CHRM3: variants seen among roughly 807,000 people sequenced by gnomAD.
The protein encoded by CHRM3 is cholinergic receptor muscarinic 3.
CHRM3 carries 11 observed loss-of-function variants against 41.8 expected under a neutral mutation model. The ratio of observed to expected loss-of-function variants is 0.26; its 90% CI spans 0.17 to 0.44. The LOEUF (loss-of-function observed/expected upper bound fraction) is 0.44. Ranked by LOEUF, CHRM3 falls within the 20% of genes least tolerant of loss-of-function variation. The probability of loss-of-function intolerance (pLI) is 1.00; values close to 1 mark genes in which losing one functional copy is unlikely to be tolerated. For synonymous variants in CHRM3, 297 were observed against 301.4 expected (o/e 0.99, Z 0.15); for missense variants, 571 against 745.4 (o/e 0.77, Z 2.72).
chr1:239,585,161 G>A (rs1663285812), intron 3 of CHRM3, among the ~76,000 whole-genome samples: 1 of 151,736 alleles, frequency 6.6e-6, no homozygotes, highest in Non-Finnish European at 1.5e-5. Flanking sequence ...ATATTCACGT[G>A]CAAATACAGT....
At chr1:239,388,131 G>C (rs1658695668) in intron 1 of CHRM3, among the ~76,000 whole-genome samples, 1 of 152,094 alleles carries the variant, frequency 6.6e-6, no homozygotes, top group African/African-American at 2.4e-5. Flanking sequence ...AGGGATTTGG[G>C]AACTGCATCC....
chr1:239,669,767 G>A (rs1674174860), intron 4 of CHRM3, among the ~76,000 whole-genome samples: 1 of 152,154 alleles, frequency 6.6e-6, no homozygotes, highest in South Asian at 2.1e-4. Context: ...GCAATCCACT[G>A]TATTAAAAAA....
rs1008846827 is a variant in CHRM3, at chr1:239,387,727, T to C, written c.-521+500T>C. ...GGTTTCCTGTCATTTCTAAGAAGGC[T>C]AAAGCTGGCACCCGCCAACCTCGCA... On this transcript the variant is annotated intron_variant, in intron 1 of 6. Coordinates refer to ENST00000676153, the MANE Select transcript of CHRM3 (RefSeq NM_001375978.1). This position sits in a 1 kb window ranked among gnomAD's most constrained non-coding sequence, Gnocchi z 5.1. Among the ~76,000 whole-genome samples, 28 of 152,124 alleles carry C rather than the reference T, an allele frequency of 1.8e-4. No homozygotes were observed. Among genetic ancestry groups the C allele is most frequent in the African/African-American group, 6.8e-4 (28 of 41,432 alleles).
chr1:239,646,905 T>A (rs1671786448), intron 4 of CHRM3, among the ~76,000 whole-genome samples: 1 of 152,016 alleles, frequency 6.6e-6, no homozygotes, highest in African/African-American at 2.4e-5. Context: ...CATAGATAGG[T>A]CGCTTTTCTG....
intron 5 of CHRM3, among the ~76,000 whole-genome samples, chr1:239,744,138 A>G (rs1452843874): frequency 6.6e-6 from 1 of 151,878 alleles, no homozygotes; most frequent in Non-Finnish European, 1.5e-5. Flanking sequence ...GGCAAAATTA[A>G]TAACTACTTC....
intron 6 of CHRM3, among the ~76,000 whole-genome samples, chr1:239,859,835 A>ATATATATATG (rs2149265433): frequency 7.4e-6 from 1 of 135,788 alleles, no homozygotes; most frequent in African/African-American, 2.6e-5. Context: ...ATATATATAT[A>ATATATATATG]TATATATATA....
chr1:239,500,861 C>A (rs185360472), intron 2 of CHRM3, among the ~76,000 whole-genome samples: 50 of 152,292 alleles, frequency 3.3e-4, no homozygotes, highest in African/African-American at 1.2e-3. Flanking sequence ...AACTCACCAA[C>A]CATCTGCTGC....
rs372427093 is a variant in CHRM3, at chr1:239,847,279, C to T, written c.-20+19901C>T. The stretch of plus-strand genomic sequence containing the variant: ...ATGCTACCTTTCCACTACGTGGTTA[C>T]GTGCACAGCTGAAAATAGAGGATCT... On this transcript the variant is annotated intron_variant, in intron 6 of 6. Transcript: ENST00000676153. Among the ~76,000 whole-genome samples the T allele has an allele frequency of 1.1e-4, 17 of 152,252 alleles. 1 individual carries two copies. The highest frequency in any genetic ancestry group is 3.4e-3 in the Middle Eastern group (1 of 294).
chr1:239,586,380 GTGAGCTTGGAC>G (rs1345778331), intron 3 of CHRM3, among the ~76,000 whole-genome samples: 2 of 152,062 alleles, frequency 1.3e-5, no homozygotes, highest in Non-Finnish European at 2.9e-5. Flanking sequence ...AATTGTGGAG[GTGAGCTTGGAC>G]TGCAGCCTAT....
intron 3 of CHRM3, among the ~76,000 whole-genome samples, chr1:239,571,652 G>A (rs1661839669): frequency 6.6e-6 from 1 of 152,056 alleles, no homozygotes; most frequent in African/African-American, 2.4e-5. Flanking sequence ...ACACTGCATT[G>A]GTCCATCTTT....
At chr1:239,666,420 G>A (rs1370039600) in intron 4 of CHRM3, among the ~76,000 whole-genome samples, 2 of 151,664 alleles carry the variant, frequency 1.3e-5, no homozygotes, top group Non-Finnish European at 2.9e-5. Context: ...TCGAACTTCT[G>A]ACCTCAGGTG....
At chr1:239,697,659 A>G (rs1660323160) in intron 5 of CHRM3, among the ~76,000 whole-genome samples, 2 of 152,200 alleles carry the variant, frequency 1.3e-5, no homozygotes, top group Admixed American at 1.3e-4. Flanking sequence ...AGAGGGAGGC[A>G]ACAGACATTT....
intron 6 of CHRM3, among the ~76,000 whole-genome samples, chr1:239,841,426 T>G (rs1673788878): frequency 6.6e-6 from 1 of 152,166 alleles, no homozygotes; most frequent in Non-Finnish European, 1.5e-5. Flanking sequence ...AGAGTTTCAT[T>G]GTGTGCAGAT....
intron 5 of CHRM3, among the ~76,000 whole-genome samples, chr1:239,754,395 A>C (rs73122559): frequency 0.034 from 5,209 of 152,260 alleles, 277 homozygotes; most frequent in African/African-American, 0.12. Context: ...ATAGACATTT[A>C]GGCAGATCTT....
chr1:239,607,045 A>G (rs1260316940), intron 3 of CHRM3, among the ~76,000 whole-genome samples: 3 of 152,182 alleles, frequency 2.0e-5, no homozygotes, highest in South Asian at 4.1e-4. Context: ...TATTTAAGTG[A>G]AAGTCACTTA....
chr1:239,621,474 A>C (rs1668355604), intron 3 of CHRM3, among the ~76,000 whole-genome samples: 2 of 152,198 alleles, frequency 1.3e-5, no homozygotes, highest in African/African-American at 4.8e-5. Context: ...CTTACACCAA[A>C]CAGTTAGCCA....
chr1:239,835,645 G>A (rs757004409), intron 6 of CHRM3, among the ~76,000 whole-genome samples: 1 of 152,162 alleles, frequency 6.6e-6, no homozygotes, highest in Non-Finnish European at 1.5e-5. Flanking sequence ...AACTTAGTGC[G>A]TTAGGAAGAA....
At chr1:239,568,274 C>T (rs534299374) in intron 3 of CHRM3, among the ~76,000 whole-genome samples, 37 of 152,244 alleles carry the variant, frequency 2.4e-4, no homozygotes, top group Middle Eastern at 3.4e-3. Flanking sequence ...CCACCTGTTA[C>T]GGGAGGGACC....
chr1:239,879,945 C>G (rs756940100), intron 6 of CHRM3, among the ~76,000 whole-genome samples: 1 of 152,156 alleles, frequency 6.6e-6, no homozygotes, highest in Non-Finnish European at 1.5e-5. Context: ...ATATGATATT[C>G]CAGTGAGTTT....
Sources: gnomAD v4.1 joint callset for allele counts (sites outside exome capture counted in the v4.1 genomes callset) on GRCh38, gnomAD v4.1.1 for gene constraint, Gnocchi (gnomAD v3.1) non-coding constraint, MANE v1.5 for transcripts, NCBI Gene and HGNC (gene_info 2026-07-23, HGNC 2026-07-21) for gene names.